The following CEACAM19 variants were observed in gnomAD, a reference collection of about 807,000 sequenced individuals.
CEACAM19 encodes the protein CEA cell adhesion molecule 19.
Under a neutral mutation model 37.6 loss-of-function variants are expected in CEACAM19, and 37 were observed. That is an observed-to-expected ratio of 0.98 (90% CI 0.76 to 1.29). The LOEUF is 1.29. Ranked by LOEUF, CEACAM19 falls within the 50% of genes most tolerant of loss-of-function variation. The pLI, the probability that CEACAM19 is intolerant of heterozygous loss-of-function variation, is 0.00. For synonymous variants in CEACAM19, 140 were observed against 149.8 expected, an observed-to-expected ratio of 0.93 and a Z score of 0.48; for missense variants, 340 against 375.6, an observed-to-expected ratio of 0.91 and a Z score of 0.78.
chr19:44,670,800 A>C (rs1400275196), upstream of CEACAM19, among the ~76,000 whole-genome samples: 6 of 138,810 alleles, frequency 4.3e-5, no homozygotes, highest in South Asian at 2.1e-4. Flanking sequence ...AAAAAAAAAA[A>C]AAAAAAAAAA....
At chr19:44,672,990 G>C in intron 2 of CEACAM19, 26 bp downstream of exon 2, 1 of 1,447,110 alleles carries the variant, frequency 6.9e-7, no homozygotes, top group Non-Finnish European at 9.1e-7. Flanking sequence ...TGGGGATGAG[G>C]TGAGGAAGCT....
chr19:44,675,123 T>TGTGC (rs1305663023), intron 2 of CEACAM19, among the ~76,000 whole-genome samples: 1 of 151,870 alleles, frequency 6.6e-6, no homozygotes, highest in East Asian at 1.9e-4. Context: ...TGTGTGTGTG[T>TGTGC]GTGTGTGTGT....
chr19:44,667,741 ATATATAAAT>A (rs1384640374), upstream of CEACAM19, among the ~76,000 whole-genome samples: 270 of 74,056 alleles, frequency 3.6e-3, 3 homozygotes, highest in African/African-American at 0.015. Context: ...TATATATATA[ATATATAAAT>A]TATATAAATT....
At chr19:44,682,695 G>A in intron 7 of CEACAM19, 75 bp downstream of exon 7, 2 of 1,404,456 alleles carry the variant, frequency 1.4e-6, no homozygotes, top group Non-Finnish European at 1.9e-6. Flanking sequence ...GTGGGGAGGG[G>A]TCAAGACAAC....
chr19:44,676,237 T>C, intron 2 of CEACAM19, 34 bp from the exon 3 acceptor site: 1 of 1,609,380 alleles, frequency 6.2e-7, no homozygotes, highest in Non-Finnish European at 8.5e-7. Flanking sequence ...CATCGCACAG[T>C]CCCCCCTCTC....
chr19:44,674,239 C>CA (rs1196127410), intron 2 of CEACAM19, among the ~76,000 whole-genome samples: 1,818 of 127,106 alleles, frequency 0.014, 34 homozygotes, highest in African/African-American at 0.045. Context: ...GACTCCATCT[C>CA]AAAAAAAAAA....
At chr19:44,680,453 G>A (rs562857624) in intron 5 of CEACAM19, 119 bp downstream of exon 5, 25 of 934,292 alleles carry the variant, frequency 2.7e-5, no homozygotes, top group South Asian at 1.0e-4. Context: ...CACCTGCCCC[G>A]AGACCTCTCT....
upstream of CEACAM19, among the ~76,000 whole-genome samples, chr19:44,667,730 TTATA>T (rs1233234990): frequency 1.3e-5 from 1 of 74,282 alleles, no homozygotes; most frequent in African/African-American, 6.1e-5. Flanking sequence ...AATTATATAT[TTATA>T]TATATAATAT....
intron 2 of CEACAM19, among the ~76,000 whole-genome samples, chr19:44,675,146 C>A (rs1973925448): frequency 7.3e-6 from 1 of 137,344 alleles, no homozygotes; most frequent in African/African-American, 2.8e-5. Context: ...GTATTTCAAA[C>A]TTCATAACAA....
At chr19:44,668,691 T>C (rs1322737187), upstream of CEACAM19, among the ~76,000 whole-genome samples, 2 of 60,468 alleles carry the variant, frequency 3.3e-5, no homozygotes, top group Non-Finnish European at 5.5e-5. Flanking sequence ...TATTATAATA[T>C]ATTATATATT....
chr19:44,667,176 T>C (rs895491082), upstream of CEACAM19: 1 of 151,446 alleles, frequency 6.6e-6, no homozygotes, highest in Admixed American at 6.6e-5. Context: ...GAAGATACCA[T>C]CACCCCCAAC....
chr19:44,673,983 C>T (rs1568515291), intron 2 of CEACAM19: 1 of 152,132 alleles, frequency 6.6e-6, no homozygotes, highest in African/African-American at 2.4e-5. Context: ...CGGTGGCTTA[C>T]ACCTGTAATC....
intron 2 of CEACAM19, among the ~76,000 whole-genome samples, chr19:44,674,488 C>A (rs1284374661): frequency 6.6e-6 from 1 of 151,882 alleles, no homozygotes; most frequent in Non-Finnish European, 1.5e-5. Flanking sequence ...GTAACCTCCA[C>A]CTCCTGGGCT....
intron 4 of CEACAM19, among the ~76,000 whole-genome samples, chr19:44,680,015 A>G (rs779070520): frequency 2.5e-4 from 38 of 152,216 alleles, no homozygotes; most frequent in Non-Finnish European, 5.4e-4. Flanking sequence ...AGACAGGTGG[A>G]TGAAGCAGGA....
At chr19:44,668,894 A>G (rs1244341059), upstream of CEACAM19, among the ~76,000 whole-genome samples, 2 of 141,242 alleles carry the variant, frequency 1.4e-5, no homozygotes, top group Admixed American at 1.6e-4. Flanking sequence ...ATCTTGGCTC[A>G]CTATAACCTC....
chr19:44,672,044 T>C (rs1550551), intron 1 of CEACAM19, 58 bp downstream of exon 1: 17,024 of 1,412,662 alleles, frequency 0.012, 615 homozygotes, highest in African/African-American at 0.1. Context: ...AGCCCAGAGA[T>C]TGAAGTTTCC....
intron 6 of CEACAM19, 37 bp downstream of exon 6, chr19:44,681,349 GC>G: frequency 7.0e-7 from 1 of 1,418,466 alleles, no homozygotes; most frequent in Non-Finnish European, 9.9e-7. Context: ...TGAAGCCAAT[GC>G]TAACAGGCGC....
chr19:44,669,298 G>A (rs1470547365), upstream of CEACAM19, among the ~76,000 whole-genome samples: 1 of 151,926 alleles, frequency 6.6e-6, no homozygotes, highest in Non-Finnish European at 1.5e-5. Context: ...TTTTAAATTT[G>A]TTTTGTGTAA....
intron 5 of CEACAM19, among the ~76,000 whole-genome samples, chr19:44,680,725 A>G (rs754099255): frequency 4.6e-5 from 7 of 152,050 alleles, no homozygotes; most frequent in Non-Finnish European, 8.8e-5. Flanking sequence ...AAGGCCCTCC[A>G]TGGCTCCCCT....
Sources: allele counts gnomAD v4.1 joint callset (sites outside exome capture counted in the v4.1 genomes callset), GRCh38; gene constraint gnomAD v4.1.1; transcripts MANE v1.5; gene names NCBI Gene and HGNC (gene_info 2026-07-23, HGNC 2026-07-21).